ARHGAP24: variants seen among roughly 807,000 people sequenced by gnomAD.
ARHGAP24 encodes the protein rho GTPase-activating protein 24.
Under a neutral mutation model 76.4 loss-of-function variants are expected in ARHGAP24, and 50 were observed. The ratio of observed to expected loss-of-function variants is 0.65; its 90% confidence interval spans 0.52 to 0.83. The LOEUF (loss-of-function observed/expected upper bound fraction) is 0.83, where lower values mean the gene tolerates loss of function less well. Among genes scored for constraint, ARHGAP24 ranks in the 40% least tolerant of loss-of-function variants. ARHGAP24 has a pLI of 0.00. For synonymous variants in ARHGAP24, 345 were observed against 323.3 expected, an observed-to-expected ratio of 1.07 and a Z score of -0.72; for missense variants, 930 against 914.2, an observed-to-expected ratio of 1.02 and a Z score of -0.22.
At chr4:85,739,291 C>T (rs1707417926) in intron 3 of ARHGAP24, among the ~76,000 whole-genome samples, 1 of 152,206 alleles carries the variant, frequency 6.6e-6, no homozygotes, top group Non-Finnish European at 1.5e-5. Context: ...ATGCATTTAA[C>T]TGAACGAAAA....
At chr4:85,615,854 G>A (rs1277555922) in intron 2 of ARHGAP24, among the ~76,000 whole-genome samples, 1 of 152,186 alleles carries the variant, frequency 6.6e-6, no homozygotes, top group Non-Finnish European at 1.5e-5. Flanking sequence ...TGTAAACATT[G>A]GGGAAGTGGG....
intron 3 of ARHGAP24, among the ~76,000 whole-genome samples, chr4:85,778,537 C>CA (rs1727393132): frequency 6.6e-6 from 1 of 152,182 alleles, no homozygotes; most frequent in Non-Finnish European, 1.5e-5. Context: ...CCCTTATCTA[C>CA]AAAATGGGTT....
intron 2 of ARHGAP24, among the ~76,000 whole-genome samples, chr4:85,683,174 A>G (rs1244358761): frequency 2.0e-5 from 2 of 100,430 alleles, no homozygotes; most frequent in Admixed American, 1.2e-4. Context: ...AAATATTGAT[A>G]ATAACAAAAA....
intron 1 of ARHGAP24, among the ~76,000 whole-genome samples, chr4:85,508,012 A>G (rs1314928093): frequency 5.3e-5 from 8 of 152,058 alleles, no homozygotes; most frequent in Admixed American, 2.6e-4. Context: ...GCATAAATCC[A>G]TGGACATTTT....
intron 1 of ARHGAP24, among the ~76,000 whole-genome samples, chr4:85,500,837 G>T (rs1350936009): frequency 6.6e-6 from 1 of 152,036 alleles, no homozygotes; most frequent in Non-Finnish European, 1.5e-5. Flanking sequence ...ATTTACATTA[G>T]GTATTTCTCC....
At chr4:85,485,829 T>G (rs1418556729) in intron 1 of ARHGAP24, among the ~76,000 whole-genome samples, 3 of 151,460 alleles carry the variant, frequency 2.0e-5, no homozygotes, top group African/African-American at 7.3e-5. Flanking sequence ...GCCTCCCAGG[T>G]TGAAATGATT....
At chr4:85,881,766 A>G (rs1733266564) in intron 3 of ARHGAP24, among the ~76,000 whole-genome samples, 2 of 152,172 alleles carry the variant, frequency 1.3e-5, no homozygotes, top group Non-Finnish European at 2.9e-5. Flanking sequence ...CATAGGAACC[A>G]ACATTTGCTG....
chr4:85,626,186 C>T (rs1720946630), intron 2 of ARHGAP24, among the ~76,000 whole-genome samples: 1 of 152,172 alleles, frequency 6.6e-6, no homozygotes, highest in Admixed American at 6.5e-5. Flanking sequence ...TACAATTTGG[C>T]ATGTTTTTGC....
chr4:85,875,010 AAG>A (rs1186742640), intron 3 of ARHGAP24, among the ~76,000 whole-genome samples: 2 of 94,138 alleles, frequency 2.1e-5, no homozygotes, highest in African/African-American at 8.8e-5. Flanking sequence ...ATTTATATAT[AAG>A]TTATATAAAA....
At chr4:85,903,140 G>A (rs1734592629) in intron 3 of ARHGAP24, among the ~76,000 whole-genome samples, 1 of 152,186 alleles carries the variant, frequency 6.6e-6, no homozygotes, top group Admixed American at 6.5e-5. Context: ...ACTGTGTTGA[G>A]TTTTTTCTTA....
chr4:85,515,866 C>G (rs1445302475), intron 1 of ARHGAP24, among the ~76,000 whole-genome samples: 1 of 152,138 alleles, frequency 6.6e-6, no homozygotes, highest in Non-Finnish European at 1.5e-5. Context: ...ATTCTGAACT[C>G]TAGGGTTATA....
intron 2 of ARHGAP24, chr4:85,571,076 A>G: frequency 4.7e-6 from 1 of 210,804 alleles, no homozygotes; most frequent in Non-Finnish European, 9.6e-6. Flanking sequence ...AATGGAAAGC[A>G]CAGGTTTGAA....
chr4:85,640,368 C>T (rs1285222336), intron 2 of ARHGAP24, among the ~76,000 whole-genome samples: 1 of 152,184 alleles, frequency 6.6e-6, no homozygotes, highest in Non-Finnish European at 1.5e-5. Context: ...GCCTCCTGAC[C>T]AACCCTGGTC....
At chr4:85,920,067 A>C (rs1735639330) in intron 3 of ARHGAP24, among the ~76,000 whole-genome samples, 1 of 152,228 alleles carries the variant, frequency 6.6e-6, no homozygotes, top group Non-Finnish European at 1.5e-5. Context: ...ATGTGTATCA[A>C]GAAAGATAAC....
At position 85,638,123 on chromosome 4, in the gene ARHGAP24, A is replaced by G. The variant is rs576111682; in HGVS notation, c.180+67402A>G. Among the ~76,000 whole-genome samples, 15 of 152,210 alleles carry G rather than the reference A, an allele frequency of 9.9e-5. No individual in the cohort carries two copies. The South Asian group carries it at 3.1e-3, about 32-fold the overall frequency. ...TCTCATCTCCACCTCCATCTTACCT[A>G]TCATGGTGGTCTTGTATGTTCATGA... On this transcript the variant is annotated intron_variant, in intron 2 of 9. Transcript: ENST00000395184.
chr4:85,778,451 GTTAT>G (rs1727388981), intron 3 of ARHGAP24, among the ~76,000 whole-genome samples: 1 of 152,112 alleles, frequency 6.6e-6, no homozygotes, highest in African/African-American at 2.4e-5. Context: ...GTGAAACCTG[GTTAT>G]TTGTTAACTG....
intron 3 of ARHGAP24, among the ~76,000 whole-genome samples, chr4:85,747,595 C>G (rs1055976250): frequency 6.6e-6 from 1 of 151,906 alleles, no homozygotes; most frequent in Non-Finnish European, 1.5e-5. Flanking sequence ...CCCAGCTACT[C>G]GGGAGGCTGA....
chr4:85,557,104 C>T (rs1487388701), intron 1 of ARHGAP24, among the ~76,000 whole-genome samples: 1 of 152,222 alleles, frequency 6.6e-6, no homozygotes, highest in Non-Finnish European at 1.5e-5. Flanking sequence ...CTACCTCTCC[C>T]TCTGGGAGCT....
At chr4:85,769,929 A>G (rs2110078185) in intron 3 of ARHGAP24, among the ~76,000 whole-genome samples, 1 of 152,264 alleles carries the variant, frequency 6.6e-6, no homozygotes, top group Admixed American at 6.5e-5. Flanking sequence ...GAGGGTAGAA[A>G]GGGTAGGAAC....
Sources: allele counts gnomAD v4.1 joint callset (sites outside exome capture counted in the v4.1 genomes callset), GRCh38; gene constraint gnomAD v4.1.1; transcripts MANE v1.5; gene names NCBI Gene and HGNC (gene_info 2026-07-23, HGNC 2026-07-21).